NOL10: variants seen among roughly 807,000 people sequenced by gnomAD.
The protein encoded by NOL10 is nucleolar protein 10.
A neutral mutation model predicts 103.5 loss-of-function variants in NOL10; 58 were observed. The ratio of observed to expected loss-of-function variants is 0.56; its 90% CI spans 0.45 to 0.70. The LOEUF (loss-of-function observed/expected upper bound fraction) is 0.70. Among genes scored for constraint, NOL10 ranks in the 30% least tolerant of loss-of-function variants. The probability of loss-of-function intolerance (pLI) is 0.00; values close to 1 mark genes in which losing one functional copy is unlikely to be tolerated. For synonymous variants in NOL10, 287 were observed against 282.5 expected (o/e 1.02, Z -0.16); for missense variants, 763 against 807.3 (o/e 0.95, Z 0.67).
At chr2:10,584,105 A>G (rs1674901563) in intron 19 of NOL10, among the ~76,000 whole-genome samples, 1 of 152,180 alleles carries the variant, frequency 6.6e-6, no homozygotes, top group South Asian at 2.1e-4. Flanking sequence ...TGCCTCTGCC[A>G]GGAATGCTAT....
At chr2:10,642,763 CAA>C (rs1445606023) in intron 13 of NOL10, among the ~76,000 whole-genome samples, 2 of 152,196 alleles carry the variant, frequency 1.3e-5, no homozygotes, top group Admixed American at 6.5e-5. Flanking sequence ...GTCCCTCCTT[CAA>C]AGTCTCTCCC....
rs1291062330 is a variant in NOL10, at chr2:10,664,369, G to A, written c.592-1325C>T. Among the ~76,000 whole-genome samples, 7 of 152,086 alleles carry A rather than the reference G, an allele frequency of 4.6e-5. No individual in the cohort carries two copies. In the South Asian group the frequency reaches 8.3e-4, roughly 18 times the overall value. On this transcript the variant is annotated intron_variant, in intron 8 of 20. Transcript: ENST00000381685. ...CTTGAACCTGGGAGGCAGACATTGC[G>A]GTGAGCCGAGTCCAGCCTGGGAAAC...
chr2:10,597,173 A>G lies in NOL10; in HGVS notation c.1422+3680T>C, dbSNP rs566346343. Reference sequence around the variant, plus strand: ...AGAATTAATGCAACCAAAATTTCTGAGTTTGGATAATGTCCATATAATACT... The same window carrying G: ...AGAATTAATGCAACCAAAATTTCTGGGTTTGGATAATGTCCATATAATACT... On this transcript the variant is annotated intron_variant, in intron 17 of 20. Coordinates refer to ENST00000381685, the MANE Select transcript of NOL10 (RefSeq NM_024894.4). Among the ~76,000 whole-genome samples, 18 of 152,254 alleles carry G rather than the reference A, an allele frequency of 1.2e-4. No individual in the cohort carries two copies. The East Asian group carries it at 2.9e-3, about 24-fold the overall frequency.
intron 12 of NOL10, among the ~76,000 whole-genome samples, chr2:10,649,963 T>G (rs1362637298): frequency 6.6e-6 from 1 of 152,202 alleles, no homozygotes; most frequent in Non-Finnish European, 1.5e-5. Context: ...TAAAACCCAT[T>G]CTTAACTCAA....
chr2:10,644,028 T>C, intron 13 of NOL10, among the ~76,000 whole-genome samples: 1 of 152,040 alleles, frequency 6.6e-6, no homozygotes, highest in East Asian at 1.9e-4. Context: ...GGCAGGAGGA[T>C]CACTTGAGGT....
At chr2:10,684,129 A>G (rs1681978047) in intron 2 of NOL10, among the ~76,000 whole-genome samples, 1 of 152,040 alleles carries the variant, frequency 6.6e-6, no homozygotes, top group Non-Finnish European at 1.5e-5. Flanking sequence ...AAATACAAAA[A>G]AAATTAGCCG....
chr2:10,624,904 C>T (rs758793022), intron 13 of NOL10, among the ~76,000 whole-genome samples: 2 of 152,166 alleles, frequency 1.3e-5, no homozygotes, highest in Non-Finnish European at 2.9e-5. Context: ...GACAGACAAG[C>T]TGCAGTACAT....
intron 1 of NOL10, among the ~76,000 whole-genome samples, chr2:10,688,797 A>G (rs1390066244): frequency 2.0e-5 from 3 of 152,250 alleles, no homozygotes; most frequent in African/African-American, 4.8e-5. Context: ...TGGAGAATGA[A>G]TGAACAAAAT....
chr2:10,602,205 G>C (rs548378721), intron 16 of NOL10, among the ~76,000 whole-genome samples: 2 of 152,250 alleles, frequency 1.3e-5, no homozygotes, highest in Non-Finnish European at 2.9e-5. Context: ...CCAGCTCCAC[G>C]GGGCCTCCTC....
In NOL10 at chr2:10,603,269, A is replaced by AT. The variant is rs921863856; in HGVS notation, c.1154-113dup. ...AGTAAGATTTCACTTCAGACTAAAAATTTAAGGATTAGAATTACTAATCTT... is the reference window on the plus strand; with the variant it reads ...AGTAAGATTTCACTTCAGACTAAAAATTTTAAGGATTAGAATTACTAATCTT... On this transcript the variant is annotated intron_variant, in intron 14 of 20. Transcript: ENST00000381685. 7.3e-5 allele frequency: 53 copies of AT among 730,878 alleles called. No homozygotes were observed. In the Admixed American group the frequency reaches 1.4e-3, roughly 20 times the overall value. The allele number at this position is 730,878 out of a possible 1,614,324, so 45.3% of individuals were successfully genotyped here.
At chr2:10,671,788 T>G in intron 5 of NOL10, 98 bp from the exon 6 acceptor site, 1 of 796,464 alleles carries the variant, frequency 1.3e-6, no homozygotes, top group Middle Eastern at 3.7e-4. Flanking sequence ...AACCCTTACC[T>G]CTCTCTCACT....
chr2:10,676,635 T>C (rs887847078), intron 3 of NOL10, among the ~76,000 whole-genome samples: 2 of 146,542 alleles, frequency 1.4e-5, no homozygotes, highest in Admixed American at 7.0e-5. Flanking sequence ...TTTGGCACTT[T>C]GTCTTTTTTT....
chr2:10,688,719 GA>G (rs1261120189), intron 1 of NOL10, among the ~76,000 whole-genome samples: 1 of 152,164 alleles, frequency 6.6e-6, no homozygotes, highest in Non-Finnish European at 1.5e-5. Context: ...AACCTTATCT[GA>G]AATGTCCACT....
intron 13 of NOL10, among the ~76,000 whole-genome samples, chr2:10,612,739 G>C (rs1676636059): frequency 6.6e-6 from 1 of 152,064 alleles, no homozygotes; most frequent in South Asian, 2.1e-4. Flanking sequence ...CCTGACCTCA[G>C]GTGATCTGCC....
chr2:10,686,740 G>A (rs898559909), intron 1 of NOL10, among the ~76,000 whole-genome samples: 2 of 152,068 alleles, frequency 1.3e-5, no homozygotes, highest in Admixed American at 1.3e-4. Context: ...TTGTATGAGA[G>A]CAAAGAAACA....
chr2:10,572,391 C>T (rs1425402076), intron 20 of NOL10, among the ~76,000 whole-genome samples: 1 of 152,094 alleles, frequency 6.6e-6, no homozygotes, highest in Non-Finnish European at 1.5e-5. Context: ...ACAGCAGGAC[C>T]AAGGCCAACT....
intron 5 of NOL10, 193 bp downstream of exon 5, chr2:10,673,327 C>T (rs562811069): frequency 5.4e-5 from 22 of 405,066 alleles, no homozygotes; most frequent in South Asian, 2.2e-4. Context: ...AAAGGCTATC[C>T]GTATCACTGT....
At position 10,682,066 on chromosome 2, in the gene NOL10, A is replaced by C; in HGVS notation, c.116T>G (p.Val39Gly). Residue 39 changes from valine (V) to glycine (G), a missense_variant, in exon 3 of 21, where the codon GTC becomes GGC. Val to Gly is a moderately radical substitution (Grantham distance 109, BLOSUM62 -3). Coordinates refer to ENST00000381685, the MANE Select transcript of NOL10 (RefSeq NM_024894.4). Reference protein sequence around the residue: ...KRALQKKDVDVRRRIELIQDF... With the variant: ...KRALQKKDVDGRRRIELIQDF... ...CTGAATAAGTTCAATTCTCCTACGGACATCTAAAAAGAGAGAAAAAAACAA... is the reference window on the plus strand; with the variant it reads ...CTGAATAAGTTCAATTCTCCTACGGCCATCTAAAAAGAGAGAAAAAAACAA... The C allele has an allele frequency of 6.9e-7, 1 of 1,458,308 alleles. No homozygotes were observed. Among genetic ancestry groups the C allele is most frequent in the African/African-American group, 1.4e-5 (1 of 69,896 alleles). 90.3% of individuals were successfully genotyped at this position (1,458,308 alleles called of 1,614,324 possible).
chr2:10,677,467 T>G (rs1572432122), intron 3 of NOL10, among the ~76,000 whole-genome samples: 2 of 87,010 alleles, frequency 2.3e-5, no homozygotes, highest in African/African-American at 3.3e-5. Flanking sequence ...TTCTTTGGTG[T>G]TTTTTTTTTT....
Sources: allele counts gnomAD v4.1 joint callset (sites outside exome capture counted in the v4.1 genomes callset), GRCh38; gene constraint gnomAD v4.1.1; transcripts MANE v1.5; gene names NCBI Gene and HGNC (gene_info 2026-07-23, HGNC 2026-07-21).